Variants in MPP7 observed in about 807,000 individuals in gnomAD.
MPP7 encodes MAGUK p55 subfamily member 7.
Under a neutral mutation model 76.5 loss-of-function variants are expected in MPP7, and 60 were observed. That is an observed-to-expected ratio of 0.78 (90% CI 0.64 to 0.97). The LOEUF is 0.97. MPP7 is among the 50% of genes least tolerant of loss of function. The pLI is 0.00. For missense variants in MPP7, 641 were observed against 694.0 expected (o/e 0.92, Z 0.86); for synonymous variants, 237 against 244.5 (o/e 0.97, Z 0.29).
chr10:28,278,034 A>C (rs1840556790), intron 1 of MPP7, among the ~76,000 whole-genome samples: 1 of 152,130 alleles, frequency 6.6e-6, no homozygotes, highest in African/African-American at 2.4e-5. Flanking sequence ...CTTGGTTAGA[A>C]GAACAGGGCC....
chr10:28,265,418 G>T (rs778458133), intron 1 of MPP7, among the ~76,000 whole-genome samples: 1 of 152,100 alleles, frequency 6.6e-6, no homozygotes, highest in African/African-American at 2.4e-5. Context: ...ACTTAGCCAG[G>T]CATGGTGGTA....
chr10:28,147,428 G>C, intron 5 of MPP7, 55 bp downstream of exon 5: 1 of 1,364,482 alleles, frequency 7.3e-7, no homozygotes, highest in Non-Finnish European at 1.0e-6. Context: ...TCATCTGAAG[G>C]CTCAGAAAGT....
At chr10:28,067,915 C>T (rs1852057148) in intron 13 of MPP7, among the ~76,000 whole-genome samples, 1 of 152,128 alleles carries the variant, frequency 6.6e-6, no homozygotes. Context: ...ATCTATGGAA[C>T]TCAAGTCAAC....
chr10:28,119,779 C>A, intron 10 of MPP7, 64 bp from the exon 11 acceptor site: 1 of 1,281,750 alleles, frequency 7.8e-7, no homozygotes, highest in Non-Finnish European at 1.1e-6. Flanking sequence ...AATACAATAT[C>A]AAAATATTTA....
At chr10:28,252,785 A>G (rs1839655982) in intron 1 of MPP7, among the ~76,000 whole-genome samples, 1 of 152,182 alleles carries the variant, frequency 6.6e-6, no homozygotes. Context: ...TCAACCAGCA[A>G]ATATTTCTCC....
intron 3 of MPP7, among the ~76,000 whole-genome samples, chr10:28,193,909 C>T (rs2801835): frequency 0.82 from 125,161 of 151,738 alleles, 52,247 homozygotes; most frequent in African/African-American, 0.89. Flanking sequence ...CCACACCAAA[C>T]GCTGACAAGG....
At chr10:28,181,890 T>C (rs571206311) in intron 3 of MPP7, among the ~76,000 whole-genome samples, 36 of 152,300 alleles carry the variant, frequency 2.4e-4, no homozygotes, top group African/African-American at 8.2e-4. Context: ...GACCTCAGAC[T>C]TGGCCAGGAG....
chr10:28,283,525 T>C (rs1840728028), intron 1 of MPP7, among the ~76,000 whole-genome samples: 1 of 151,960 alleles, frequency 6.6e-6, no homozygotes, highest in Non-Finnish European at 1.5e-5. Flanking sequence ...AAAGCTTTTG[T>C]TTTTTGTGAG....
At chr10:28,145,766 C>T (rs1835682933) in intron 5 of MPP7, among the ~76,000 whole-genome samples, 1 of 151,054 alleles carries the variant, frequency 6.6e-6, no homozygotes, top group Non-Finnish European at 1.5e-5. Context: ...ATTCTTTAGT[C>T]ACACTGCTAG....
chr10:28,060,418 A>C (rs753271703), intron 13 of MPP7, among the ~76,000 whole-genome samples: 1 of 152,238 alleles, frequency 6.6e-6, no homozygotes, highest in Non-Finnish European at 1.5e-5. Flanking sequence ...CTGACATGGC[A>C]AATGTAAACC....
chr10:28,176,741 A>AG (rs1415999450), intron 3 of MPP7, among the ~76,000 whole-genome samples: 2 of 151,996 alleles, frequency 1.3e-5, no homozygotes, highest in African/African-American at 4.8e-5. Context: ...TGTCTAAAAA[A>AG]AAAGAAACCA....
chr10:28,127,649 C>T (rs1225670432), intron 6 of MPP7, among the ~76,000 whole-genome samples: 1 of 152,142 alleles, frequency 6.6e-6, no homozygotes, highest in Non-Finnish European at 1.5e-5. Flanking sequence ...TGGGAAAGAC[C>T]TGACCCGTGA....
At chr10:28,123,997 T>C (rs1834927811) in intron 8 of MPP7, 34 bp downstream of exon 8, 1 of 1,379,206 alleles carries the variant, frequency 7.3e-7, no homozygotes, top group African/African-American at 1.4e-5. Flanking sequence ...CGATTTTATT[T>C]TTATTGTACC....
At chr10:28,328,519 G>A (rs753899740) in intron 2 of MPP7, among the ~76,000 whole-genome samples, 11 of 151,410 alleles carry the variant, frequency 7.3e-5, no homozygotes, top group Admixed American at 7.2e-4. Context: ...ATAGTTAAGA[G>A]GGAGGAAAAA....
intron 11 of MPP7, among the ~76,000 whole-genome samples, chr10:28,094,127 C>T (rs1181076118): frequency 6.6e-6 from 1 of 152,184 alleles, no homozygotes; most frequent in Non-Finnish European, 1.5e-5. Flanking sequence ...AGTCTGCTCC[C>T]CGCGGGGCAG....
chr10:28,125,516 T>C (rs1195840256), intron 6 of MPP7, among the ~76,000 whole-genome samples: 3 of 152,130 alleles, frequency 2.0e-5, no homozygotes, highest in South Asian at 2.1e-4. Flanking sequence ...AAAGATTCTA[T>C]ATGTTAAAAA....
intron 5 of MPP7, 48 bp from the exon 6 acceptor site, chr10:28,131,739 A>G: frequency 9.8e-7 from 1 of 1,024,626 alleles, no homozygotes; most frequent in Non-Finnish European, 1.3e-6. Flanking sequence ...ACATACTTAT[A>G]TATTATATGT....
At chr10:28,323,178 A>G (rs942733997) in intron 2 of MPP7, among the ~76,000 whole-genome samples, 4 of 152,046 alleles carry the variant, frequency 2.6e-5, no homozygotes, top group African/African-American at 9.7e-5. Context: ...CCAGCTACTC[A>G]GGAGGCTGAG....
At chr10:28,119,076 A>G in intron 11 of MPP7, 1 of 985,292 alleles carries the variant, frequency 1.0e-6, no homozygotes, top group Non-Finnish European at 1.2e-6. Context: ...AAGAGAAAAA[A>G]AAGTATTTAA....
Sources: allele counts gnomAD v4.1 joint callset (sites outside exome capture counted in the v4.1 genomes callset), GRCh38; gene constraint gnomAD v4.1.1; transcripts MANE v1.5; gene names NCBI Gene and HGNC (gene_info 2026-07-23, HGNC 2026-07-21).